The following METTL3 variants were observed in gnomAD, a reference collection of about 807,000 sequenced individuals.
The protein encoded by METTL3 is N(6)-adenosine-methyltransferase catalytic subunit METTL3.
METTL3 carries 42 observed loss-of-function variants against 64.3 expected under a neutral mutation model. The ratio of observed to expected loss-of-function variants is 0.65; its 90% confidence interval spans 0.51 to 0.84. METTL3 has a LOEUF of 0.84. METTL3 is among the 40% of genes least tolerant of loss of function. The pLI is 0.00. For missense variants in METTL3, 435 were observed against 722.3 expected, an observed-to-expected ratio of 0.60 and a Z score of 4.56; for synonymous variants, 256 against 263.6, an observed-to-expected ratio of 0.97 and a Z score of 0.28.
At chr14:21,510,888 T>C in intron 1 of METTL3, 1 of 502,432 alleles carries the variant, frequency 2.0e-6, no homozygotes. Context: ...AGGGTGGGGC[T>C]CAAGCGTCCG....
chr14:21,500,855 G>T, intron 5 of METTL3, 58 bp downstream of exon 5: 1 of 1,527,850 alleles, frequency 6.5e-7, no homozygotes, highest in Non-Finnish European at 9.0e-7. Context: ...AACGTGTATG[G>T]CTGCCCTATC....
rs1349907100 is a variant in METTL3 at position 21,511,137 on chromosome 14, G to C, written c.87C>G (p.Asp29Glu). The C allele has an allele frequency of 6.2e-7, 1 of 1,613,944 alleles. No individual in the cohort carries two copies. The highest frequency in any genetic ancestry group is 8.5e-7 in the Non-Finnish European group (1 of 1,180,000). ...RERLQRRRKQDSGHLDLRNPE... is the reference protein window; with the variant it reads ...RERLQRRRKQESGHLDLRNPE... ...CCAGTGCCTCACCCAAGTGCCCCGA[G>C]TCCTGCTTCCGCCTCCGCTGCAGCC... is the stretch of plus-strand genomic sequence containing the variant. Residue 29 changes from aspartate (D) to glutamate (E), a missense_variant, in exon 1 of 11, where the codon GAC (aspartate) becomes GAG (glutamate). Physicochemically the swap from Asp to Glu is conservative, Grantham distance 45. Coordinates refer to ENST00000298717, the MANE Select transcript of METTL3 (RefSeq NM_019852.5).
At chr14:21,510,998 G>T in intron 1 of METTL3, 126 bp downstream of exon 1, 1 of 1,071,296 alleles carries the variant, frequency 9.3e-7, no homozygotes. Context: ...TGGAGAGGGA[G>T]TACCAATGTA....
rs779376929 is a variant in METTL3 at position 21,511,236 on chromosome 14, GC to G, written c.-14del. On this transcript the variant is annotated 5_prime_UTR_variant, in exon 1 of 11. Coordinates refer to ENST00000298717, the MANE Select transcript of METTL3 (RefSeq NM_019852.5). ...ACGTGTCCGACATCCTAGTCTCCCAGCCCTGACACCTCTCGAATAAGGCGCG... is the reference window on the plus strand; with the variant it reads ...ACGTGTCCGACATCCTAGTCTCCCAGCCTGACACCTCTCGAATAAGGCGCG... The G allele has an allele frequency of 1.3e-4, 212 of 1,611,894 alleles. No individual in the cohort carries two copies. Among genetic ancestry groups the G allele is most frequent in the Non-Finnish European group, 1.8e-4 (208 of 1,179,138 alleles).
chr14:21,508,484 G>A (rs1868948468), intron 1 of METTL3, among the ~76,000 whole-genome samples: 1 of 152,194 alleles, frequency 6.6e-6, no homozygotes, highest in Non-Finnish European at 1.5e-5. Flanking sequence ...ACAGCAGAAA[G>A]TTTGGTTAAT....
In METTL3 at chr14:21,510,820, G is replaced by A. The variant is rs1053119487; in HGVS notation, c.100+304C>T. Reference sequence around the variant, plus strand: ...TTGCTGCTTCGCGGGATAGGGGGCTGAGCAGCCTCACAAAGGCGACGTCCT... The same window carrying A: ...TTGCTGCTTCGCGGGATAGGGGGCTAAGCAGCCTCACAAAGGCGACGTCCT... On this transcript the variant is annotated intron_variant, in intron 1 of 10. Transcript: ENST00000298717. The A allele has an allele frequency of 1.3e-4, 45 of 351,186 alleles. No homozygotes were observed. The South Asian group carries it at 1.6e-3, about 12-fold the overall frequency. The allele number at this position is 351,186 out of a possible 1,614,324, so 21.8% of individuals were successfully genotyped here.
chr14:21,499,142 G>C lies in METTL3; in HGVS notation c.1519-5C>G. On this transcript the variant is annotated splice_polypyrimidine_tract_variant and splice_region_variant and intron_variant, in intron 9 of 10. Coordinates refer to ENST00000298717, the MANE Select transcript of METTL3 (RefSeq NM_019852.5). The stretch of plus-strand genomic sequence containing the variant: ...TTTATGACTGGTGGAACGAACCTAG[G>C]AAATAAAAACTAGCTGCTTTTTAAG... 6.2e-7 allele frequency: 1 copy of C among 1,610,420 alleles called. No individual in the cohort carries two copies. Among genetic ancestry groups the C allele is most frequent in the Admixed American group, 1.7e-5 (1 of 59,998 alleles).
At position 21,499,370 on chromosome 14, in the gene METTL3, A is replaced by G; in HGVS notation, c.1454T>C (p.Val485Ala). 1.2e-6 allele frequency: 2 copies of G among 1,614,156 alleles called. No homozygotes were observed. The highest frequency in any genetic ancestry group is 2.2e-5 in the South Asian group (2 of 91,084). ...WLNHGKEHCL[V>A]GVKGNPQGFN... is the part of the protein sequence containing the mutation. ...GCCTTGGGGATTTCCTTTGACACCA[A>G]CCTGCTCACCACAGATAACAGATTA... is the stretch of plus-strand genomic sequence containing the variant. Residue 485 changes from valine to alanine, a missense_variant and splice_region_variant, in exon 9 of 11, where the codon GTT (valine) becomes GCT (alanine). Coordinates refer to ENST00000298717, the MANE Select transcript of METTL3 (RefSeq NM_019852.5).
At chr14:21,510,859 G>A in intron 1 of METTL3, 1 of 452,982 alleles carries the variant, frequency 2.2e-6, no homozygotes, top group South Asian at 2.6e-5. Flanking sequence ...AGTCTGAAGA[G>A]GAGTGGGCAA....
intron 1 of METTL3, among the ~76,000 whole-genome samples, chr14:21,508,446 A>G (rs1891751536): frequency 6.6e-6 from 1 of 152,240 alleles, no homozygotes; most frequent in South Asian, 2.1e-4. Context: ...GGATCAAAGT[A>G]TCAAGGCTCT....
Position 21,500,877 on chromosome 14 carries a change from C to T in METTL3, c.1116+36G>A, listed in dbSNP as rs116604086. 895 of 1,588,870 alleles carry T rather than the reference C, an allele frequency of 5.6e-4. 4 individuals are homozygous for T. In the African/African-American group the frequency reaches 0.011, roughly 19 times the overall value. ...ATGGCTGCCCTATCAAACATAAGTCCGTAAGTTGAGACGAGTTTTCTGAGC... is the reference window on the plus strand; with the variant it reads ...ATGGCTGCCCTATCAAACATAAGTCTGTAAGTTGAGACGAGTTTTCTGAGC... On this transcript the variant is annotated intron_variant, in intron 5 of 10. Coordinates refer to ENST00000298717, the MANE Select transcript of METTL3 (RefSeq NM_019852.5).
At chr14:21,501,328 G>T in intron 4 of METTL3, 199 bp from the exon 5 acceptor site, 1 of 587,484 alleles carries the variant, frequency 1.7e-6, no homozygotes, top group Non-Finnish European at 3.0e-6. Flanking sequence ...TCCTCTCTGA[G>T]TAAAGACTTG....
chr14:21,500,906 CA>C lies in METTL3; in HGVS notation c.1116+6del, dbSNP rs772336263. 6 of 1,611,356 alleles carry C rather than the reference CA, an allele frequency of 3.7e-6. No individual in the cohort carries two copies. Among genetic ancestry groups the C allele is most frequent in the Admixed American group, 3.3e-5 (2 of 59,782 alleles). On this transcript the variant is annotated splice_donor_region_variant and intron_variant, in intron 5 of 10. Coordinates refer to ENST00000298717, the MANE Select transcript of METTL3 (RefSeq NM_019852.5). ...AGTTGAGACGAGTTTTCTGAGCAGA[CA>C]GGTACCTGAGGTGGGAAGAGTCGGT...
Position 21,503,806 on chromosome 14 carries a change from C to T in METTL3, c.176G>A (p.Gly59Asp). The T allele has an allele frequency of 1.2e-6, 2 of 1,614,184 alleles. No homozygotes were observed. The highest frequency in any genetic ancestry group is 1.7e-6 in the Non-Finnish European group (2 of 1,180,028). The change falls in exon 2 of 11, where the codon GGT becomes GAT. Residue 59 changes from glycine (G) to aspartate (D), a missense_variant. By Grantham distance (94) the Gly-to-Asp change is moderately conservative (BLOSUM62 -1). Transcript: ENST00000298717. ...DSPVPTAPTS[G>D]GPKPSTASAV... ...TGAAGCTGTGCTGGGCTTAGGGCCA[C>T]CAGAGGTGGGTGCAGTAGGCACTGG... is the stretch of plus-strand genomic sequence containing the variant.
In METTL3 at chr14:21,511,175, A is replaced by C; in HGVS notation, c.49T>G (p.Ser17Ala). ...CTCCGCTGCAGCCTCTCCCGCAGAGAGTCCAGCTGCTTCTTGTGGGCCTGG... is the reference window on the plus strand; with the variant it reads ...CTCCGCTGCAGCCTCTCCCGCAGAGCGTCCAGCTGCTTCTTGTGGGCCTGG... ...SIQAHKKQLDSLRERLQRRRK... is the reference protein window; with the variant it reads ...SIQAHKKQLDALRERLQRRRK... The change falls in exon 1 of 11, where the codon TCT (serine) becomes GCT (alanine). Residue 17 changes from serine to alanine, a missense_variant. Transcript: ENST00000298717. The C allele has an allele frequency of 6.2e-7, 1 of 1,613,996 alleles. No homozygotes were observed. Among genetic ancestry groups the C allele is most frequent in the Non-Finnish European group, 8.5e-7 (1 of 1,179,974 alleles).
chr14:21,509,034 G>A (rs112454959), intron 1 of METTL3, among the ~76,000 whole-genome samples: 7 of 151,880 alleles, frequency 4.6e-5, no homozygotes, highest in Middle Eastern at 3.5e-3. Flanking sequence ...CCAATATAGC[G>A]GCTTTTTAAA....
intron 1 of METTL3, among the ~76,000 whole-genome samples, chr14:21,505,863 A>G (rs77018399): frequency 3.2e-3 from 488 of 151,592 alleles, no homozygotes; most frequent in Non-Finnish European, 5.4e-3. Context: ...GCAAAATAAT[A>G]CATAACACTT....
intron 1 of METTL3, among the ~76,000 whole-genome samples, chr14:21,505,685 C>A (rs1370244792): frequency 2.0e-5 from 3 of 152,130 alleles, no homozygotes; most frequent in Non-Finnish European, 4.4e-5. Flanking sequence ...GTTTTATCAT[C>A]CCTAAAACCG....
rs1275302548 is a variant in METTL3 at position 21,500,581 on chromosome 14, A to G, written c.1218T>C (p.Tyr406=). The G allele has an allele frequency of 2.5e-6, 4 of 1,614,154 alleles. No individual in the cohort carries two copies. Among genetic ancestry groups the G allele is most frequent in the Non-Finnish European group, 3.4e-6 (4 of 1,180,016 alleles). The change falls in exon 6 of 11, where the codon TAT becomes TAC. Residue 406 remains tyrosine, a synonymous_variant. Coordinates refer to ENST00000298717, the MANE Select transcript of METTL3 (RefSeq NM_019852.5). ...GCATCTCATCATCTGTCAGGGTCCC[A>G]TAGGGCAGTTCCATGTGAATATCCC... ...PPWDIHMELP[Y]GTLTDDEMRR...
Sources: allele counts gnomAD v4.1 joint callset (sites outside exome capture counted in the v4.1 genomes callset), GRCh38; gene constraint gnomAD v4.1.1; transcripts MANE v1.5; gene names NCBI Gene and HGNC (gene_info 2026-07-23, HGNC 2026-07-21).